BRINP2: variants seen among roughly 807,000 people sequenced by gnomAD.
BRINP2 encodes the protein BMP/retinoic acid-inducible neural-specific protein 2.
A neutral mutation model predicts 69.2 loss-of-function variants in BRINP2; 21 were observed. The observed-to-expected ratio is 0.30, with a 90% CI of 0.22 to 0.44. BRINP2 has a LOEUF of 0.44. Ranked by LOEUF, BRINP2 falls within the 20% of genes least tolerant of loss-of-function variation. The pLI, the probability that BRINP2 is intolerant of heterozygous loss-of-function variation, is 1.00. For missense variants in BRINP2, 877 were observed against 986.0 expected, an observed-to-expected ratio of 0.89 and a Z score of 1.48; for synonymous variants, 380 against 394.1, an observed-to-expected ratio of 0.96 and a Z score of 0.42.
chr1:177,242,808 A>G (rs1229285108), intron 2 of BRINP2, among the ~76,000 whole-genome samples: 2 of 152,210 alleles, frequency 1.3e-5, no homozygotes, highest in African/African-American at 4.8e-5. Context: ...ACCATTCAGT[A>G]GGAGTAGGAT....
Position 177,281,533 on chromosome 1 carries a change from C to A in BRINP2, c.*5C>A, listed in dbSNP as rs200891877. 8 of 1,591,232 alleles carry A rather than the reference C, an allele frequency of 5.0e-6. No homozygotes were observed. Among genetic ancestry groups the A allele is most frequent in the Non-Finnish European group, 6.8e-6 (8 of 1,173,330 alleles). ...ACCGGCAAACTCTGTAGCTAATGGGCGGCCCACTTCAGCACTGGGCAAGGA... is the reference window on the plus strand; with the variant it reads ...ACCGGCAAACTCTGTAGCTAATGGGAGGCCCACTTCAGCACTGGGCAAGGA... On this transcript the variant is annotated 3_prime_UTR_variant, in exon 8 of 8. Transcript: ENST00000361539.
At chr1:177,233,458 G>T (rs569983590) in intron 2 of BRINP2, among the ~76,000 whole-genome samples, 1 of 152,172 alleles carries the variant, frequency 6.6e-6, no homozygotes, top group Non-Finnish European at 1.5e-5. Flanking sequence ...AAATACTGCC[G>T]ATTTTTATTA....
At chr1:177,198,954 T>C (rs185395552) in intron 1 of BRINP2, among the ~76,000 whole-genome samples, 2 of 152,244 alleles carry the variant, frequency 1.3e-5, no homozygotes, top group African/African-American at 2.4e-5. Context: ...TGAAAAGAAA[T>C]TATACTCACA....
At chr1:177,229,644 A>C (rs1194074649) in intron 1 of BRINP2, among the ~76,000 whole-genome samples, 157 bp from the exon 2 acceptor site, 1 of 152,160 alleles carries the variant, frequency 6.6e-6, no homozygotes, top group Non-Finnish European at 1.5e-5. Flanking sequence ...GATTAAATGA[A>C]ATGATGTACC....
intron 2 of BRINP2, among the ~76,000 whole-genome samples, chr1:177,235,394 A>T (rs1302519906): frequency 6.6e-6 from 1 of 152,226 alleles, no homozygotes; most frequent in African/African-American, 2.4e-5. Flanking sequence ...TGCAAATAAA[A>T]TAAAATAGGA....
rs1193697227 is a variant in BRINP2 at position 177,263,615 on chromosome 1, T to C, written c.669+6231T>C. ...CTCTTGAGAAGTAGTTGAGATTATA[T>C]GGGATTTTGCTAAGAACTGATCATG... On this transcript the variant is annotated intron_variant, in intron 4 of 7. Transcript: ENST00000361539. Among the ~76,000 whole-genome samples, 5 of 152,122 alleles carry C rather than the reference T, an allele frequency of 3.3e-5. No homozygotes were observed. In the South Asian group the frequency reaches 8.3e-4, roughly 25 times the overall value.
intron 2 of BRINP2, among the ~76,000 whole-genome samples, chr1:177,238,906 G>T (rs1308449379): frequency 6.6e-6 from 1 of 152,130 alleles, no homozygotes; most frequent in South Asian, 2.1e-4. Context: ...ATCCTAGTAA[G>T]AACCCCACAA....
At chr1:177,197,778 G>A (rs1648789691) in intron 1 of BRINP2, among the ~76,000 whole-genome samples, 1 of 152,172 alleles carries the variant, frequency 6.6e-6, no homozygotes, top group Non-Finnish European at 1.5e-5. Flanking sequence ...TTTACCTGAA[G>A]CCTTGAATGA....
chr1:177,227,527 G>C (rs1358831344), intron 1 of BRINP2, among the ~76,000 whole-genome samples: 1 of 151,844 alleles, frequency 6.6e-6, no homozygotes, highest in African/African-American at 2.4e-5. Flanking sequence ...AAATATTTTG[G>C]GCATCCTCAT....
At chr1:177,230,275 A>T (rs1285263383) in intron 2 of BRINP2, 130 bp downstream of exon 2, 2 of 978,584 alleles carry the variant, frequency 2.0e-6, no homozygotes, top group Non-Finnish European at 2.9e-6. Flanking sequence ...TGAAAGCTGG[A>T]GGAACACCAG....
In BRINP2 at chr1:177,239,704, C is replaced by T. The variant is rs181913814; in HGVS notation, c.269+9559C>T. On this transcript the variant is annotated intron_variant, in intron 2 of 7. Transcript: ENST00000361539. ...TGGTGTATGCTCTGTTACAGTCCCA[C>T]TTGCCTTCACATTCACAGCACACTA... is the stretch of plus-strand genomic sequence containing the variant. 1.5e-3 allele frequency among the ~76,000 whole-genome samples: 236 copies of T among 152,328 alleles called. 1 individual carries two copies. The highest frequency in any genetic ancestry group is 6.0e-3 in the East Asian group (31 of 5,190).
intron 1 of BRINP2, among the ~76,000 whole-genome samples, chr1:177,214,121 G>A (rs1649305375): frequency 6.6e-6 from 1 of 152,090 alleles, no homozygotes; most frequent in South Asian, 2.1e-4. Flanking sequence ...CTTTCTAATG[G>A]AGAAAAAACT....
At chr1:177,188,736 C>A (rs530110150) in intron 1 of BRINP2, among the ~76,000 whole-genome samples, 29 of 152,152 alleles carry the variant, frequency 1.9e-4, no homozygotes, top group Non-Finnish European at 3.8e-4. Flanking sequence ...GAGCTGAGAA[C>A]ATGTATTACA....
chr1:177,254,741 G>A (rs1334851883), intron 2 of BRINP2, among the ~76,000 whole-genome samples: 1 of 151,944 alleles, frequency 6.6e-6, no homozygotes. Context: ...ACAACTGACA[G>A]TATTTGTTGC....
rs368039728 is a variant in BRINP2 at position 177,234,250 on chromosome 1, C to T, written c.269+4105C>T. Among the ~76,000 whole-genome samples the T allele has an allele frequency of 1.9e-3, 291 of 152,276 alleles. 1 individual carries two copies. The highest frequency in any genetic ancestry group is 3.4e-3 in the Middle Eastern group (1 of 294). On this transcript the variant is annotated intron_variant, in intron 2 of 7. Coordinates refer to ENST00000361539, the MANE Select transcript of BRINP2 (RefSeq NM_021165.4). ...ACTAGGGTCTAAGGCATGTGAAATG[C>T]ACTTGTTCAAGGTCAGAGAGGTAGC...
Position 177,227,908 on chromosome 1 carries a change from A to C in BRINP2, c.-76-1893A>C, listed in dbSNP as rs141954001. Among the ~76,000 whole-genome samples the C allele has an allele frequency of 3.3e-5, 5 of 152,082 alleles. No individual in the cohort carries two copies. The South Asian group carries it at 1.0e-3, about 31-fold the overall frequency. On this transcript the variant is annotated intron_variant, in intron 1 of 7. Coordinates refer to ENST00000361539, the MANE Select transcript of BRINP2 (RefSeq NM_021165.4). Reference sequence around the variant, plus strand: ...TATTGGAATTTTATCATGTTTGAAGATCTGGTAGGGCAGGAGCTGCCTCAT... The same window carrying C: ...TATTGGAATTTTATCATGTTTGAAGCTCTGGTAGGGCAGGAGCTGCCTCAT...
intron 1 of BRINP2, among the ~76,000 whole-genome samples, chr1:177,214,357 T>C (rs899154374): frequency 4.6e-5 from 7 of 152,004 alleles, no homozygotes; most frequent in South Asian, 2.1e-4. Flanking sequence ...CACTTGAACC[T>C]GGGAGGCGGA....
In BRINP2 at chr1:177,280,598, C is replaced by T. The variant is rs1651662574; in HGVS notation, c.1422C>T (p.Ser474=). 1 of 1,614,022 alleles carries T rather than the reference C, an allele frequency of 6.2e-7. No individual in the cohort carries two copies. Among genetic ancestry groups the T allele is most frequent in the African/African-American group, 1.3e-5 (1 of 74,944 alleles). ...PACAHCAPDN[S]TRCGSCNPGY... The stretch of plus-strand genomic sequence containing the variant: ...GTGCCCACTGTGCTCCAGACAATAG[C>T]ACACGCTGTGGGAGCTGCAACCCGG... Residue 474 remains serine, a synonymous_variant, in exon 8 of 8, where the codon AGC becomes AGT. Coordinates refer to ENST00000361539, the MANE Select transcript of BRINP2 (RefSeq NM_021165.4).
At chr1:177,194,984 C>T (rs1648701244) in intron 1 of BRINP2, among the ~76,000 whole-genome samples, 1 of 152,076 alleles carries the variant, frequency 6.6e-6, no homozygotes. Context: ...ATTGTTTCAC[C>T]AAATACCTCT....
Sources: allele counts gnomAD v4.1 joint callset (sites outside exome capture counted in the v4.1 genomes callset), GRCh38; gene constraint gnomAD v4.1.1; transcripts MANE v1.5; gene names NCBI Gene and HGNC (gene_info 2026-07-23, HGNC 2026-07-21).